The following EYS variants were observed in gnomAD, a reference collection of about 807,000 sequenced individuals.
EYS encodes protein eyes shut homolog.
A neutral mutation model predicts 282.1 loss-of-function variants in EYS; 250 were observed. The observed-to-expected ratio is 0.89, with a 90% CI of 0.80 to 0.98. The LOEUF is 0.98. EYS is among the 50% of genes least tolerant of loss of function. The pLI is 0.00. For missense variants in EYS, 4,016 were observed against 3,709.0 expected, an observed-to-expected ratio of 1.08 and a Z score of -2.15; for synonymous variants, 1,355 against 1,282.9, an observed-to-expected ratio of 1.06 and a Z score of -1.20.
intron 5 of EYS, among the ~76,000 whole-genome samples, chr6:65,411,347 T>C (rs1767004055): frequency 1.3e-5 from 2 of 152,090 alleles, no homozygotes; most frequent in South Asian, 2.1e-4. Context: ...TTGGGTAACA[T>C]AGTAAACAGT....
chr6:65,528,216 C>T (rs1008222148), intron 2 of EYS, among the ~76,000 whole-genome samples: 1 of 152,168 alleles, frequency 6.6e-6, no homozygotes, highest in African/African-American at 2.4e-5. Context: ...CTCACAAACT[C>T]AGTCTCTGTT....
intron 12 of EYS, among the ~76,000 whole-genome samples, chr6:65,080,291 T>C (rs1268684066): frequency 6.6e-6 from 1 of 152,098 alleles, no homozygotes; most frequent in Non-Finnish European, 1.5e-5. Flanking sequence ...GTGTGAATGA[T>C]CTGGAAAGAT....
At chr6:65,214,247 T>C (rs1040172919) in intron 12 of EYS, among the ~76,000 whole-genome samples, 5 of 149,596 alleles carry the variant, frequency 3.3e-5, no homozygotes, top group African/African-American at 1.2e-4. Flanking sequence ...AGCCAAGTTG[T>C]GAATTTAAAG....
chr6:64,291,886 A>G (rs1396469856), intron 30 of EYS, among the ~76,000 whole-genome samples: 1 of 152,144 alleles, frequency 6.6e-6, no homozygotes, highest in Non-Finnish European at 1.5e-5. Context: ...TCAAATATAT[A>G]TGAAGATGGC....
At chr6:64,672,418 C>T (rs9345362) in intron 22 of EYS, among the ~76,000 whole-genome samples, 144,910 of 152,230 alleles carry the variant, frequency 0.95, 69,367 homozygotes, top group East Asian at 1. Context: ...ACTTTCTTCC[C>T]CTTTTCTTAG....
intron 36 of EYS, among the ~76,000 whole-genome samples, chr6:63,841,076 C>A (rs145712553): frequency 7.2e-4 from 109 of 152,228 alleles, no homozygotes; most frequent in African/African-American, 2.5e-3. Context: ...AAATTTAATA[C>A]ATATCTGTGC....
chr6:64,332,285 A>G (rs1230584759), intron 29 of EYS, among the ~76,000 whole-genome samples: 1 of 152,146 alleles, frequency 6.6e-6, no homozygotes, highest in African/African-American at 2.4e-5. Flanking sequence ...ATTCAGATAA[A>G]AGGGGATTTA....
chr6:65,145,385 AC>A (rs1764452361), intron 12 of EYS, among the ~76,000 whole-genome samples: 1 of 151,986 alleles, frequency 6.6e-6, no homozygotes, highest in East Asian at 1.9e-4. Context: ...ATACATTAAA[AC>A]TTTACAGATA....
intron 11 of EYS, among the ~76,000 whole-genome samples, chr6:65,308,988 C>A (rs1769084415): frequency 6.6e-6 from 1 of 152,046 alleles, no homozygotes; most frequent in Admixed American, 6.6e-5. Flanking sequence ...ATCCATGGAA[C>A]CAGATGGCTC....
intron 22 of EYS, among the ~76,000 whole-genome samples, chr6:64,677,282 A>G (rs1443277696): frequency 6.6e-6 from 1 of 152,182 alleles, no homozygotes; most frequent in Non-Finnish European, 1.5e-5. Flanking sequence ...TATGGTTGTT[A>G]GAAATGTTCT....
At chr6:64,742,350 G>A (rs1432854088) in intron 22 of EYS, among the ~76,000 whole-genome samples, 1 of 152,024 alleles carries the variant, frequency 6.6e-6, no homozygotes, top group Non-Finnish European at 1.5e-5. Flanking sequence ...ACTAATCATA[G>A]ATCACTGTAA....
intron 12 of EYS, among the ~76,000 whole-genome samples, chr6:65,269,020 T>C (rs1269089677): frequency 1.4e-4 from 22 of 152,134 alleles, no homozygotes; most frequent in Admixed American, 1.4e-3. Flanking sequence ...AGGCAAATAT[T>C]ATCTCCAATC....
intron 29 of EYS, among the ~76,000 whole-genome samples, chr6:64,347,318 A>T (rs1188492635): frequency 1.3e-5 from 2 of 151,480 alleles, no homozygotes; most frequent in Non-Finnish European, 3.0e-5. Context: ...TATGATATTA[A>T]GAAATTATTA....
chr6:64,531,682 C>T (rs1764348718), intron 26 of EYS, among the ~76,000 whole-genome samples: 1 of 151,406 alleles, frequency 6.6e-6, no homozygotes, highest in African/African-American at 2.4e-5. Context: ...CCACCCGCCT[C>T]AGCCTCCCAA....
intron 35 of EYS, among the ~76,000 whole-genome samples, chr6:63,922,398 A>G (rs1581979791): frequency 1.3e-5 from 2 of 152,262 alleles, no homozygotes; most frequent in East Asian, 1.9e-4. Context: ...CCCTGTCTCT[A>G]CTAAAAATAC....
At chr6:64,794,491 C>G (rs1454560492) in intron 22 of EYS, among the ~76,000 whole-genome samples, 2 of 152,094 alleles carry the variant, frequency 1.3e-5, no homozygotes, top group East Asian at 3.9e-4. Flanking sequence ...CTTCTGCCCA[C>G]CATGTGAAGA....
chr6:64,085,336 G>GCACACACACACACA lies in EYS; in HGVS notation c.6425-3335_6425-3334insTGTGTGTGTGTGTG, dbSNP rs1304096306. Among the ~76,000 whole-genome samples, 10 of 76,692 alleles carry GCACACACACACACA rather than the reference G, an allele frequency of 1.3e-4. No homozygotes were observed. The East Asian group carries it at 3.9e-3, about 30-fold the overall frequency. The allele number at this position is 76,692 out of a possible 152,430, so 50.3% of individuals were successfully genotyped here. A position where few individuals can be genotyped will look rare whatever the true frequency, so the allele number is the denominator to read the frequency against. On this transcript the variant is annotated intron_variant, in intron 31 of 42. Coordinates refer to ENST00000503581, the MANE Select transcript of EYS (RefSeq NM_001142800.2). Reference sequence around the variant, plus strand: ...CAGACGCGCGCGCGTGCGCACGTGCGCGCGCACACACACACACACACACAC... The same window carrying GCACACACACACACA: ...CAGACGCGCGCGCGTGCGCACGTGCGCACACACACACACACGCGCACACACACACACACACACAC...
intron 26 of EYS, among the ~76,000 whole-genome samples, chr6:64,469,502 G>A (rs909714870): frequency 2.0e-5 from 3 of 152,138 alleles, no homozygotes; most frequent in Non-Finnish European, 2.9e-5. Context: ...TACAGAGATA[G>A]GAGCTGAGGG....
Position 64,748,708 on chromosome 6 carries a change from A to G in EYS, c.3443+64670T>C, listed in dbSNP as rs544964040. ...AACCAAGTGGGCTTGGGAAGAGGAG[A>G]TCAAAGTCTAAAAGAGCAAAAGAAT... is the stretch of plus-strand genomic sequence containing the variant. On this transcript the variant is annotated intron_variant, in intron 22 of 42. Transcript: ENST00000503581. Among the ~76,000 whole-genome samples, 12 of 152,320 alleles carry G rather than the reference A, an allele frequency of 7.9e-5. No homozygotes were observed. The South Asian group carries it at 2.5e-3, about 32-fold the overall frequency.
Sources: allele counts gnomAD v4.1 joint callset (sites outside exome capture counted in the v4.1 genomes callset), GRCh38; gene constraint gnomAD v4.1.1; transcripts MANE v1.5; gene names NCBI Gene and HGNC (gene_info 2026-07-23, HGNC 2026-07-21).